Variants in EPS15 observed in about 807,000 individuals in gnomAD.
The protein encoded by EPS15 is epidermal growth factor receptor substrate 15.
A neutral mutation model predicts 113.8 loss-of-function variants in EPS15; 72 were observed. The ratio of observed to expected loss-of-function variants is 0.63; its 90% CI spans 0.52 to 0.77. The LOEUF (loss-of-function observed/expected upper bound fraction) is 0.77, where lower values mean the gene tolerates loss of function less well. Among genes scored for constraint, EPS15 ranks in the 30% least tolerant of loss-of-function variants. EPS15 has a pLI of 0.00. For missense variants in EPS15, 1,048 were observed against 1,045.8 expected, an observed-to-expected ratio of 1.00 and a Z score of -0.03; for synonymous variants, 344 against 363.4, an observed-to-expected ratio of 0.95 and a Z score of 0.61.
At chr1:51,483,377 A>G (rs1644056505) in intron 1 of EPS15, among the ~76,000 whole-genome samples, 1 of 151,366 alleles carries the variant, frequency 6.6e-6, no homozygotes. Flanking sequence ...ACAGATATAT[A>G]TATTCGAACT....
chr1:51,387,467 C>T (rs1230240976), intron 21 of EPS15, among the ~76,000 whole-genome samples: 1 of 151,702 alleles, frequency 6.6e-6, no homozygotes, highest in Non-Finnish European at 1.5e-5. Flanking sequence ...TCACACATAA[C>T]AATATTAACT....
At chr1:51,513,813 AATT>A (rs1261495537) in intron 1 of EPS15, among the ~76,000 whole-genome samples, 4 of 152,206 alleles carry the variant, frequency 2.6e-5, no homozygotes, top group Non-Finnish European at 4.4e-5. Flanking sequence ...CAATTAATAT[AATT>A]ATTATCATTC....
intron 19 of EPS15, among the ~76,000 whole-genome samples, chr1:51,400,712 C>CAAAAAAAAAAAA (rs375748381): frequency 7.3e-4 from 44 of 60,128 alleles, no homozygotes; most frequent in Non-Finnish European, 9.4e-4. Flanking sequence ...CAAAAAACAC[C>CAAAAAAAAAAAA]AAAAAAAAAA....
rs147754999 is a variant in EPS15 at position 51,386,444 on chromosome 1, C to T, written c.2119+7937G>A. Among the ~76,000 whole-genome samples the T allele has an allele frequency of 5.3e-4, 81 of 152,294 alleles. 1 individual carries two copies. In the East Asian group the frequency reaches 8.9e-3, roughly 17 times the overall value. On this transcript the variant is annotated intron_variant, in intron 21 of 24. Transcript: ENST00000371733. ...TGATATCTGAATTAAGATTTGTCAG[C>T]GGTCAGCAGCATTTGCGGTTCAAGA...
chr1:51,455,794 G>C (rs1319009665), intron 8 of EPS15, among the ~76,000 whole-genome samples: 1 of 151,990 alleles, frequency 6.6e-6, no homozygotes, highest in Non-Finnish European at 1.5e-5. Context: ...CAGATTTGAG[G>C]GGGTAGATAT....
chr1:51,430,953 T>C (rs1249410123), intron 12 of EPS15, among the ~76,000 whole-genome samples: 1 of 147,904 alleles, frequency 6.8e-6, no homozygotes, highest in African/African-American at 2.5e-5. Flanking sequence ...AGCCTGACCC[T>C]ATCTGAAAAA....
chr1:51,478,906 A>G (rs1035673814), intron 2 of EPS15, among the ~76,000 whole-genome samples: 5 of 152,006 alleles, frequency 3.3e-5, no homozygotes, highest in Non-Finnish European at 5.9e-5. Flanking sequence ...CTTCATTTCA[A>G]CTTTGGTGAA....
intron 21 of EPS15, among the ~76,000 whole-genome samples, chr1:51,384,801 T>C (rs1407177533): frequency 1.3e-5 from 2 of 152,070 alleles, no homozygotes; most frequent in South Asian, 2.1e-4. Context: ...CTCACATATA[T>C]GGTCAAATGA....
At chr1:51,388,330 G>A (rs1647150849) in intron 21 of EPS15, among the ~76,000 whole-genome samples, 1 of 152,152 alleles carries the variant, frequency 6.6e-6, no homozygotes, top group Non-Finnish European at 1.5e-5. Context: ...AGTGTGTAGA[G>A]GGAAATTTAT....
chr1:51,396,785 T>C (rs1647991895), intron 20 of EPS15, among the ~76,000 whole-genome samples: 1 of 152,186 alleles, frequency 6.6e-6, no homozygotes, highest in South Asian at 2.1e-4. Flanking sequence ...AGCAGGGCAA[T>C]TTTTTAAAAA....
At chr1:51,379,123 T>C (rs776951817) in intron 21 of EPS15, among the ~76,000 whole-genome samples, 1 of 152,126 alleles carries the variant, frequency 6.6e-6, no homozygotes, top group Non-Finnish European at 1.5e-5. Context: ...TCCTCAATAA[T>C]TGTTTTTTTC....
chr1:51,426,059 C>A (rs950976204), intron 12 of EPS15, among the ~76,000 whole-genome samples: 1 of 151,958 alleles, frequency 6.6e-6, no homozygotes, highest in Non-Finnish European at 1.5e-5. Context: ...GGTTTTGAAA[C>A]CATCAGATTT....
intron 7 of EPS15, among the ~76,000 whole-genome samples, chr1:51,462,919 C>G (rs12751035): frequency 7.0e-6 from 1 of 142,638 alleles, no homozygotes; most frequent in African/African-American, 2.7e-5. Flanking sequence ...GCTTGTCGCC[C>G]AGGCTGGAGT....
chr1:51,488,928 G>T (rs2148533619), intron 1 of EPS15, among the ~76,000 whole-genome samples: 1 of 152,222 alleles, frequency 6.6e-6, no homozygotes, highest in East Asian at 1.9e-4. Context: ...TCTCATAGCT[G>T]GCTAGAATAC....
At chr1:51,505,265 A>C (rs1398069913) in intron 1 of EPS15, among the ~76,000 whole-genome samples, 2 of 152,230 alleles carry the variant, frequency 1.3e-5, no homozygotes, top group African/African-American at 4.8e-5. Flanking sequence ...AACAGCCAAA[A>C]GGTGGAAACC....
At chr1:51,480,927 T>C (rs1313888578) in intron 2 of EPS15, among the ~76,000 whole-genome samples, 1 of 152,238 alleles carries the variant, frequency 6.6e-6, no homozygotes, top group Non-Finnish European at 1.5e-5. Context: ...AAAGTCATGT[T>C]TTTCACTTTG....
chr1:51,436,149 C>G (rs773474455), intron 12 of EPS15, among the ~76,000 whole-genome samples: 5 of 152,202 alleles, frequency 3.3e-5, no homozygotes, highest in Non-Finnish European at 5.9e-5. Flanking sequence ...GGGCAGCATA[C>G]TGTGAGAGGT....
At chr1:51,510,065 T>C (rs1445664512) in intron 1 of EPS15, among the ~76,000 whole-genome samples, 1 of 152,238 alleles carries the variant, frequency 6.6e-6, no homozygotes, top group African/African-American at 2.4e-5. Flanking sequence ...GATATAAGGA[T>C]TACCAAGTTG....
intron 1 of EPS15, among the ~76,000 whole-genome samples, chr1:51,515,449 G>A (rs560378963): frequency 6.6e-6 from 1 of 151,570 alleles, no homozygotes; most frequent in South Asian, 2.1e-4. Context: ...TCCAACATGG[G>A]TGACAGAGTG....
Sources: gnomAD v4.1 joint callset for allele counts (sites outside exome capture counted in the v4.1 genomes callset) on GRCh38, gnomAD v4.1.1 for gene constraint, MANE v1.5 for transcripts, NCBI Gene and HGNC (gene_info 2026-07-23, HGNC 2026-07-21) for gene names.